The following ADGRE5 variants were observed in gnomAD, a reference collection of about 807,000 sequenced individuals.
The protein encoded by ADGRE5 is adhesion G protein-coupled receptor E5.
In ADGRE5, 72 loss-of-function variants were observed where a neutral mutation model predicts 100.3. The ratio of observed to expected loss-of-function variants is 0.72; its 90% CI spans 0.59 to 0.87. The LOEUF (loss-of-function observed/expected upper bound fraction) is 0.87, where lower values mean the gene tolerates loss of function less well. Ranked by LOEUF, ADGRE5 falls within the 40% of genes least tolerant of loss-of-function variation. The pLI, the probability that ADGRE5 is intolerant of heterozygous loss-of-function variation, is 0.00. For synonymous variants in ADGRE5, 439 were observed against 447.8 expected, an observed-to-expected ratio of 0.98 and a Z score of 0.25; for missense variants, 959 against 1,094.7, an observed-to-expected ratio of 0.88 and a Z score of 1.75.
Position 14,403,980 on chromosome 19 carries a change from G to A in ADGRE5, c.1450-403G>A, listed in dbSNP as rs1470299967. On this transcript the variant is annotated intron_variant, in intron 12 of 19. Coordinates refer to ENST00000242786, the MANE Select transcript of ADGRE5 (RefSeq NM_078481.4). The stretch of plus-strand genomic sequence containing the variant: ...CAACCTCCACCTCCCAGGTTCAAGC[G>A]ATTCTCCTGCCCAGGACTCCCAAGT... Among the ~76,000 whole-genome samples, 5 of 144,028 alleles carry A rather than the reference G, an allele frequency of 3.5e-5. No homozygotes were observed. In the South Asian group the frequency reaches 6.9e-4, roughly 20 times the overall value. 94.5% of individuals were successfully genotyped at this position (144,028 alleles called of 152,430 possible).
intron 3 of ADGRE5, among the ~76,000 whole-genome samples, chr19:14,389,301 AG>A (rs1455186918): frequency 2.8e-3 from 1 of 360 alleles, no homozygotes; most frequent in Non-Finnish European, 5.5e-3. Flanking sequence ...GGGGAGGGGA[AG>A]GGGGAAGGGG....
Position 14,397,541 on chromosome 19 carries a change from G to A in ADGRE5, c.626-117G>A, listed in dbSNP as rs1181362006. ...GGCCTCTCCACGCTTCCATAACCCA[G>A]CGTCCACCACTCCAAGGGGGGCACT... On this transcript the variant is annotated intron_variant, in intron 6 of 19. Coordinates refer to ENST00000242786, the MANE Select transcript of ADGRE5 (RefSeq NM_078481.4). The A allele has an allele frequency of 6.5e-6, 10 of 1,541,212 alleles. No individual in the cohort carries two copies. In the African/African-American group the frequency reaches 1.4e-4, roughly 21 times the overall value.
In ADGRE5 at chr19:14,406,242, ACT is replaced by A. The variant is rs1976228639; in HGVS notation, c.1822-85_1822-84del. 1 of 1,057,874 alleles carries A rather than the reference ACT, an allele frequency of 9.5e-7. No individual in the cohort carries two copies. The highest frequency in any genetic ancestry group is 1.6e-5 in the South Asian group (1 of 63,056). The allele number at this position is 1,057,874 out of a possible 1,614,324, so 65.5% of individuals were successfully genotyped here. A position where few individuals can be genotyped will look rare whatever the true frequency, so the allele number is the denominator to read the frequency against. ...CCACCCTCCGGCTGTGGTCCCGCCC[ACT>A]CTCGGGACCTGGCAGGCGACTGGCT... is the stretch of plus-strand genomic sequence containing the variant. On this transcript the variant is annotated intron_variant, in intron 14 of 19. Transcript: ENST00000242786. The surrounding 1 kb of genome is among the most constrained non-coding windows in gnomAD (Gnocchi z 6.0).
chr19:14,404,373 C>G lies in ADGRE5; in HGVS notation c.1450-10C>G, dbSNP rs780179262. On this transcript the variant is annotated splice_polypyrimidine_tract_variant and intron_variant, in intron 12 of 19. Transcript: ENST00000242786. ...GGCCAACCTTTCTGACCACCCCCAT[C>G]TGCCCACAGGACGTGATGCCTGGGC... 3 of 1,603,294 alleles carry G rather than the reference C, an allele frequency of 1.9e-6. No individual in the cohort carries two copies. The highest frequency in any genetic ancestry group is 2.6e-6 in the Non-Finnish European group (3 of 1,176,128).
In ADGRE5 at chr19:14,401,311, G is replaced by T; in HGVS notation, c.898-75G>T. 1 of 1,318,158 alleles carries T rather than the reference G, an allele frequency of 7.6e-7. No individual in the cohort carries two copies. The highest frequency in any genetic ancestry group is 1.1e-6 in the Non-Finnish European group (1 of 948,522). 81.7% of individuals were successfully genotyped at this position (1,318,158 alleles called of 1,614,324 possible). On this transcript the variant is annotated intron_variant, in intron 9 of 19. Transcript: ENST00000242786. This position sits in a 1 kb window ranked among gnomAD's most constrained non-coding sequence, Gnocchi z 4.1. Reference sequence around the variant, plus strand: ...GGGTCTCCAGTGTGTCCCCTGGTAGGGGGTGACATCCAGGTCCTTCAGGCA... The same window carrying T: ...GGGTCTCCAGTGTGTCCCCTGGTAGTGGGTGACATCCAGGTCCTTCAGGCA...
chr19:14,382,527 C>T (rs1444742646), intron 1 of ADGRE5, among the ~76,000 whole-genome samples: 1 of 152,114 alleles, frequency 6.6e-6, no homozygotes, highest in East Asian at 1.9e-4. Context: ...AGTTAGGACA[C>T]AAACTATTCC....
chr19:14,401,292 C>T lies in ADGRE5; in HGVS notation c.898-94C>T. The T allele has an allele frequency of 9.3e-7, 1 of 1,071,604 alleles. No homozygotes were observed. Among genetic ancestry groups the T allele is most frequent in the East Asian group, 2.6e-5 (1 of 38,976 alleles). 66.4% of individuals were successfully genotyped at this position (1,071,604 alleles called of 1,614,324 possible). A position where few individuals can be genotyped will look rare whatever the true frequency, so the allele number is the denominator to read the frequency against. On this transcript the variant is annotated intron_variant, in intron 9 of 19. Coordinates refer to ENST00000242786, the MANE Select transcript of ADGRE5 (RefSeq NM_078481.4). The surrounding 1 kb of genome is among the most constrained non-coding windows in gnomAD (Gnocchi z 4.1). ...GTGATTCCCTTGTGCCTGTGGGTCT[C>T]CAGTGTGTCCCCTGGTAGGGGGTGA...
intron 1 of ADGRE5, among the ~76,000 whole-genome samples, chr19:14,386,215 T>A (rs1440692665): frequency 1.3e-5 from 2 of 150,800 alleles, no homozygotes; most frequent in African/African-American, 4.9e-5. Flanking sequence ...CCTTCTCTAC[T>A]AAAAATATAA....
At chr19:14,396,242 T>A in intron 4 of ADGRE5, 100 bp from the exon 5 acceptor site, 1 of 1,607,686 alleles carries the variant, frequency 6.2e-7, no homozygotes, top group South Asian at 1.1e-5. Context: ...GAGACAGTGG[T>A]GCCTTCCAGA....
At chr19:14,388,238 C>A (rs950301929) in intron 1 of ADGRE5, among the ~76,000 whole-genome samples, 4 of 150,688 alleles carry the variant, frequency 2.7e-5, no homozygotes, top group African/African-American at 9.7e-5. Flanking sequence ...AAAAAAAAAA[C>A]AAAAACAAAA....
intron 3 of ADGRE5, among the ~76,000 whole-genome samples, chr19:14,389,409 G>A: frequency 1.1e-5 from 1 of 92,580 alleles, no homozygotes; most frequent in Middle Eastern, 5.0e-3. Flanking sequence ...GAGAGGAAAG[G>A]AGGCAGGAAG....
intron 9 of ADGRE5, among the ~76,000 whole-genome samples, chr19:14,400,146 A>C (rs941451501): frequency 6.6e-6 from 1 of 151,992 alleles, no homozygotes; most frequent in Non-Finnish European, 1.5e-5. Context: ...CAGCCTCCCA[A>C]GTAGCTGGGA....
intron 9 of ADGRE5, among the ~76,000 whole-genome samples, chr19:14,399,103 T>C (rs984214733): frequency 4.0e-5 from 6 of 151,370 alleles, no homozygotes; most frequent in African/African-American, 1.5e-4. Flanking sequence ...TGCCTCGGCC[T>C]CCCAACATGC....
intron 17 of ADGRE5, 31 bp from the exon 18 acceptor site, chr19:14,407,030 G>T (rs1431113260): frequency 6.2e-7 from 1 of 1,613,842 alleles, no homozygotes; most frequent in Non-Finnish European, 8.5e-7. Context: ...AGGTGAGGTG[G>T]GGGCCCACGC....
chr19:14,385,002 C>CTTTCT (rs1975291750), intron 1 of ADGRE5, among the ~76,000 whole-genome samples: 1 of 113,742 alleles, frequency 8.8e-6, no homozygotes, highest in Non-Finnish European at 1.8e-5. Context: ...TTTTTTGAGA[C>CTTTCT]TCTTGCTCTT....
At chr19:14,399,563 C>CAAAA (rs764605166) in intron 9 of ADGRE5, among the ~76,000 whole-genome samples, 367 of 31,790 alleles carry the variant, frequency 0.012, 39 homozygotes, top group Non-Finnish European at 0.018. Flanking sequence ...GACTCCGTCT[C>CAAAA]AAAAAAAAAA....
rs531217666 is a variant in ADGRE5, at chr19:14,396,956, G to T, written c.479-121G>T. 69 of 1,273,390 alleles carry T rather than the reference G, an allele frequency of 5.4e-5. No individual in the cohort carries two copies. In the East Asian group the frequency reaches 1.7e-3, roughly 31 times the overall value. 78.9% of individuals were successfully genotyped at this position (1,273,390 alleles called of 1,614,324 possible). A position where few individuals can be genotyped will look rare whatever the true frequency, so the allele number is the denominator to read the frequency against. ...GTGAAGTTGAAGGTCACCAAGTGGC[G>T]GCATGTGCAATAATGGTCTTCAGTC... On this transcript the variant is annotated intron_variant, in intron 5 of 19. Coordinates refer to ENST00000242786, the MANE Select transcript of ADGRE5 (RefSeq NM_078481.4).
At chr19:14,405,998 A>G in intron 14 of ADGRE5, 59 bp downstream of exon 14, 2 of 1,452,342 alleles carry the variant, frequency 1.4e-6, no homozygotes, top group Non-Finnish European at 1.9e-6. Flanking sequence ...GGGAGGGGTT[A>G]GCCCCGCCCA....
intron 4 of ADGRE5, chr19:14,396,108 G>T: frequency 1.6e-6 from 1 of 635,672 alleles, no homozygotes; most frequent in Non-Finnish European, 2.6e-6. Context: ...ACCCCAGCTT[G>T]GAGCTGCCCA....
Sources: allele counts gnomAD v4.1 joint callset (sites outside exome capture counted in the v4.1 genomes callset), GRCh38; gene constraint gnomAD v4.1.1; non-coding constraint Gnocchi (gnomAD v3.1); transcripts MANE v1.5; gene names NCBI Gene and HGNC (gene_info 2026-07-23, HGNC 2026-07-21).